DUSP22: variants seen among roughly 807,000 people sequenced by gnomAD.
The protein encoded by DUSP22 is dual specificity phosphatase 22, also known as dual specificity protein phosphatase 22.
DUSP22 carries 24 observed loss-of-function variants against 24.5 expected under a neutral mutation model. The ratio of observed to expected loss-of-function variants is 0.98; its 90% CI spans 0.71 to 1.38. The LOEUF (loss-of-function observed/expected upper bound fraction) is 1.38, where lower values mean the gene tolerates loss of function less well. Among genes scored for constraint, DUSP22 ranks in the 40% most tolerant of loss-of-function variants. The pLI is 0.00. For synonymous variants in DUSP22, 160 were observed against 106.4 expected, an observed-to-expected ratio of 1.50 and a Z score of -3.10; for missense variants, 330 against 269.2, an observed-to-expected ratio of 1.23 and a Z score of -1.58.
chr6:298,800 T>C (rs2127389453), intron 1 of DUSP22, among the ~76,000 whole-genome samples: 1 of 152,426 alleles, frequency 6.6e-6, no homozygotes, highest in Non-Finnish European at 1.5e-5. Context: ...TCAGACTTCC[T>C]CTTAGCGTGT....
chr6:349,399 G>A lies in DUSP22; in HGVS notation c.*448G>A, dbSNP rs371567086. On this transcript the variant is annotated 3_prime_UTR_variant, in exon 7 of 7. Coordinates refer to ENST00000419235, the MANE Select transcript of DUSP22 (RefSeq NM_001286555.3). ...CAGAATTCATATTGCTGCCCGGGTT[G>A]GTGTGGCCACCTTTCCCTTTGTCCA... The A allele has an allele frequency of 6.9e-6, 7 of 1,019,844 alleles. No individual in the cohort carries two copies. In the African/African-American group the frequency reaches 1.0e-4, roughly 15 times the overall value. The allele number at this position is 1,019,844 out of a possible 1,614,324, so 63.2% of individuals were successfully genotyped here.
chr6:336,325 T>A (rs1415423087), intron 4 of DUSP22, among the ~76,000 whole-genome samples: 1 of 152,306 alleles, frequency 6.6e-6, no homozygotes, highest in African/African-American at 2.4e-5. Context: ...GTTTGTGAAT[T>A]TGGGAGTCCT....
At position 349,892 on chromosome 6, in the gene DUSP22, C is replaced by G. The variant is rs1433855798; in HGVS notation, c.*941C>G. On this transcript the variant is annotated 3_prime_UTR_variant, in exon 7 of 7. Coordinates refer to ENST00000419235, the MANE Select transcript of DUSP22 (RefSeq NM_001286555.3). ...GGTGCCCCAGGGCACCCCCTCCTCT[C>G]TGCTCCTTGCCAGCTTCATTCACTC... 4 of 985,882 alleles carry G rather than the reference C, an allele frequency of 4.1e-6. No individual in the cohort carries two copies. The African/African-American group carries it at 7.0e-5, about 17-fold the overall frequency. The allele number at this position is 985,882 out of a possible 1,614,324, so 61.1% of individuals were successfully genotyped here.
chr6:320,704 CAGTG>C (rs1478101667), intron 3 of DUSP22, among the ~76,000 whole-genome samples: 2 of 152,256 alleles, frequency 1.3e-5, no homozygotes, highest in Non-Finnish European at 2.9e-5. Context: ...CGGTTTGACT[CAGTG>C]GGGAGGGAGG....
At chr6:330,514 A>G (rs957683779) in intron 3 of DUSP22, among the ~76,000 whole-genome samples, 2 of 152,312 alleles carry the variant, frequency 1.3e-5, no homozygotes, top group Non-Finnish European at 2.9e-5. Flanking sequence ...CTCTTTCTTT[A>G]CCAGTCGTGA....
intron 4 of DUSP22, among the ~76,000 whole-genome samples, chr6:343,225 T>G (rs1759692930): frequency 6.6e-6 from 1 of 152,312 alleles, no homozygotes; most frequent in African/African-American, 2.4e-5. Context: ...CTACCTGATA[T>G]CAGCAACTAG....
In DUSP22 at chr6:349,029, C is replaced by T. The variant is rs1760034816; in HGVS notation, c.*78C>T. Reference sequence around the variant, plus strand: ...TGGGCAGGGGTGCGGTGGTGGTGGCCGATGAGGACAGGAAAGGGAGATAGC... The same window carrying T: ...TGGGCAGGGGTGCGGTGGTGGTGGCTGATGAGGACAGGAAAGGGAGATAGC... On this transcript the variant is annotated 3_prime_UTR_variant, in exon 7 of 7. Coordinates refer to ENST00000419235, the MANE Select transcript of DUSP22 (RefSeq NM_001286555.3). 17 of 1,528,572 alleles carry T rather than the reference C, an allele frequency of 1.1e-5. No individual in the cohort carries two copies. The highest frequency in any genetic ancestry group is 1.4e-5 in the Non-Finnish European group (16 of 1,136,860). The allele number at this position is 1,528,572 out of a possible 1,614,324, so 94.7% of individuals were successfully genotyped here.
chr6:311,908 G>A lies in DUSP22; in HGVS notation c.84G>A (p.Lys28=), dbSNP rs753972179. The change falls in exon 3 of 7, where the codon AAG becomes AAA. Residue 28 remains lysine (K), a synonymous_variant. Transcript: ENST00000419235. ...KDARDAEQLS[K]NKVTHILSVH... ...CCAGAGACGCGGAACAATTGAGCAA[G>A]AACAAGGTGACACATATTCTGTCTG... 2 of 1,612,486 alleles carry A rather than the reference G, an allele frequency of 1.2e-6. No homozygotes were observed. Among genetic ancestry groups the A allele is most frequent in the African/African-American group, 2.7e-5 (2 of 74,974 alleles).
At chr6:303,981 C>G (rs1166296336) in intron 1 of DUSP22, among the ~76,000 whole-genome samples, 1 of 152,308 alleles carries the variant, frequency 6.6e-6, no homozygotes, top group African/African-American at 2.4e-5. Flanking sequence ...TTCTTCTTAA[C>G]CTGCATATAT....
chr6:321,587 A>T (rs1181919728), intron 3 of DUSP22, among the ~76,000 whole-genome samples: 1 of 152,304 alleles, frequency 6.6e-6, no homozygotes, highest in African/African-American at 2.4e-5. Context: ...TGACATAACA[A>T]AGTTGAAAAT....
chr6:333,792 C>T (rs1321158994), intron 3 of DUSP22, among the ~76,000 whole-genome samples: 12 of 152,286 alleles, frequency 7.9e-5, no homozygotes, highest in Admixed American at 7.2e-4. Context: ...CCACGAAGCC[C>T]ACGTGTGCTT....
chr6:310,212 C>T (rs1270029699), intron 2 of DUSP22, among the ~76,000 whole-genome samples: 6 of 152,290 alleles, frequency 3.9e-5, no homozygotes, highest in Non-Finnish European at 8.8e-5. Flanking sequence ...TGGCCCGTCG[C>T]GGCCTCCCAA....
At chr6:326,907 C>A (rs1386939710) in intron 3 of DUSP22, among the ~76,000 whole-genome samples, 1 of 152,304 alleles carries the variant, frequency 6.6e-6, no homozygotes, top group East Asian at 1.9e-4. Flanking sequence ...ATGTGCAAAA[C>A]AAGCTGTCAC....
chr6:302,535 T>C (rs1373026349), intron 1 of DUSP22, among the ~76,000 whole-genome samples: 1 of 152,298 alleles, frequency 6.6e-6, no homozygotes, highest in Non-Finnish European at 1.5e-5. Context: ...AGTGGTCAGG[T>C]CACCTCCACT....
intron 3 of DUSP22, among the ~76,000 whole-genome samples, chr6:333,320 G>C (rs1759216811): frequency 6.6e-6 from 1 of 152,304 alleles, no homozygotes; most frequent in Non-Finnish European, 1.5e-5. Flanking sequence ...TCTTAAGTGA[G>C]ATGTTCCCAT....
At position 349,052 on chromosome 6, in the gene DUSP22, AG is replaced by A; in HGVS notation, c.*102del. 1 of 1,498,026 alleles carries A rather than the reference AG, an allele frequency of 6.7e-7. No individual in the cohort carries two copies. The highest frequency in any genetic ancestry group is 8.9e-7 in the Non-Finnish European group (1 of 1,122,488). 92.8% of individuals were successfully genotyped at this position (1,498,026 alleles called of 1,614,324 possible). ...GCCGATGAGGACAGGAAAGGGAGATAGCCAGGGCGAGGTGGGGCGAGGGCTC... is the reference window on the plus strand; with the variant it reads ...GCCGATGAGGACAGGAAAGGGAGATACCAGGGCGAGGTGGGGCGAGGGCTC... On this transcript the variant is annotated 3_prime_UTR_variant, in exon 7 of 7. Coordinates refer to ENST00000419235, the MANE Select transcript of DUSP22 (RefSeq NM_001286555.3).
intron 4 of DUSP22, among the ~76,000 whole-genome samples, chr6:341,984 C>G (rs1306342255): frequency 1.3e-5 from 2 of 152,290 alleles, no homozygotes; most frequent in African/African-American, 4.8e-5. Flanking sequence ...AGCCCGGTTT[C>G]ATTGTGTCTG....
chr6:299,703 A>G (rs1271544880), intron 1 of DUSP22, among the ~76,000 whole-genome samples: 1 of 152,302 alleles, frequency 6.6e-6, no homozygotes, highest in Non-Finnish European at 1.5e-5. Flanking sequence ...TAAAATACTC[A>G]TCTTCAATTC....
intron 4 of DUSP22, among the ~76,000 whole-genome samples, chr6:338,812 C>G (rs969073755): frequency 8.5e-5 from 13 of 152,420 alleles, no homozygotes; most frequent in Admixed American, 3.9e-4. Context: ...CAAATCCCTG[C>G]ACGAACAGGA....
Sources: allele counts gnomAD v4.1 joint callset (sites outside exome capture counted in the v4.1 genomes callset), GRCh38; gene constraint gnomAD v4.1.1; transcripts MANE v1.5; gene names NCBI Gene and HGNC (gene_info 2026-07-23, HGNC 2026-07-21).